The following UPRT variants were observed in gnomAD, a reference collection of about 807,000 sequenced individuals.
The protein encoded by UPRT is uracil phosphoribosyltransferase homolog, also known as RP11-311P8.3.
In UPRT, 5 loss-of-function variants were observed where a neutral mutation model predicts 22.6. The observed-to-expected ratio is 0.22, with a 90% CI of 0.12 to 0.47. UPRT has a LOEUF of 0.47. Ranked by LOEUF, UPRT falls within the 20% of genes least tolerant of loss-of-function variation. The pLI is 0.99. For missense variants in UPRT, 181 were observed against 239.9 expected, an observed-to-expected ratio of 0.75 and a Z score of 1.62; for synonymous variants, 77 against 87.7, an observed-to-expected ratio of 0.88 and a Z score of 0.68.
intron 4 of UPRT, among the ~76,000 whole-genome samples, chrX:75,170,721 T>C (rs1207535815): frequency 9.0e-6 from 1 of 111,569 alleles, no homozygotes; most frequent in Non-Finnish European, 1.9e-5. Flanking sequence ...TATTTCAAGG[T>C]TTTGTTTCAA....
intron 1 of UPRT, among the ~76,000 whole-genome samples, chrX:75,282,078 T>C (rs2082659704): frequency 9.0e-6 from 1 of 111,396 alleles, no homozygotes. Flanking sequence ...TAGCCTTGAA[T>C]GATCTTTTGT....
Position 75,303,425 on chromosome X carries a change from G to C in UPRT, c.844G>C (p.Glu282Gln). The C allele has an allele frequency of 8.3e-7, 1 of 1,205,865 alleles. No homozygotes were observed. The highest frequency in any genetic ancestry group is 1.1e-6 in the Non-Finnish European group (1 of 893,407). Residue 282 changes from glutamate (E) to glutamine (Q), a missense_variant, in exon 7 of 7, where the codon GAG becomes CAG. Transcript: ENST00000373383. ...TGAAGGTGCCAAATCAATCATTCAGGAGTTTCCAGAGATCACAATTTTAAC... is the reference window on the plus strand; with the variant it reads ...TGAAGGTGCCAAATCAATCATTCAGCAGTTTCCAGAGATCACAATTTTAAC... ...TPHGAKSIIQ[E>Q]FPEITILTTE... is the part of the protein sequence containing the mutation.
chrX:75,288,937 C>A (rs2082693992), intron 1 of UPRT, among the ~76,000 whole-genome samples: 1 of 111,646 alleles, frequency 9.0e-6, no homozygotes, highest in Admixed American at 9.5e-5. Context: ...ACATAGAAAA[C>A]CCTGTAGATT....
At chrX:75,284,079 A>G (rs927845214) in intron 1 of UPRT, among the ~76,000 whole-genome samples, 2 of 111,437 alleles carry the variant, frequency 1.8e-5, no homozygotes, top group African/African-American at 6.5e-5. Flanking sequence ...TACTTGTTCA[A>G]TTCGGTTGCT....
chrX:75,195,981 T>G (rs1010892109), intron 4 of UPRT, among the ~76,000 whole-genome samples: 23 of 111,961 alleles, frequency 2.1e-4, no homozygotes, highest in Non-Finnish European at 4.1e-4. Flanking sequence ...TTCAAGATTG[T>G]TTTGGCTATT....
intron 1 of UPRT, among the ~76,000 whole-genome samples, chrX:75,278,909 T>C (rs946805533): frequency 2.7e-5 from 3 of 111,863 alleles, no homozygotes; most frequent in Admixed American, 9.5e-5. Flanking sequence ...CTAATGTGAG[T>C]GCAATCTAAT....
chrX:75,272,757 A>G (rs996432879), upstream of UPRT, among the ~76,000 whole-genome samples: 3 of 110,990 alleles, frequency 2.7e-5, no homozygotes, highest in Admixed American at 1.9e-4. Flanking sequence ...TTATAAAAAA[A>G]TCTGTATAGG....
At chrX:75,205,418 A>T (rs2082362895) in intron 4 of UPRT, among the ~76,000 whole-genome samples, 1 of 105,129 alleles carries the variant, frequency 9.5e-6, no homozygotes, top group African/African-American at 3.4e-5. Context: ...AAAAAAGAGA[A>T]GATTTGAAAT....
intron 4 of UPRT, among the ~76,000 whole-genome samples, chrX:75,180,962 C>T (rs1337465485): frequency 9.1e-6 from 1 of 109,961 alleles, no homozygotes; most frequent in African/African-American, 3.3e-5. Flanking sequence ...ATGGTATTGC[C>T]TAGATTGTCT....
chrX:75,166,710 T>C (rs2082214152), intron 3 of UPRT, among the ~76,000 whole-genome samples: 1 of 112,375 alleles, frequency 8.9e-6, no homozygotes, highest in South Asian at 3.7e-4. Context: ...AAACAGAGCA[T>C]TAACAAATTC....
chrX:75,247,932 C>A (rs192053588), intron 4 of UPRT, among the ~76,000 whole-genome samples: 1 of 112,077 alleles, frequency 8.9e-6, no homozygotes, highest in African/African-American at 3.2e-5. Context: ...CGCTGTTCTG[C>A]AGCCATTGTT....
intron 1 of UPRT, among the ~76,000 whole-genome samples, chrX:75,291,151 T>TA (rs1569284321): frequency 9.0e-6 from 1 of 111,648 alleles, no homozygotes; most frequent in Admixed American, 9.5e-5. Context: ...TCTGCATCGC[T>TA]AAACCTGCTT....
chrX:75,205,262 C>T (rs1209473583), intron 4 of UPRT, among the ~76,000 whole-genome samples: 4 of 108,531 alleles, frequency 3.7e-5, no homozygotes, highest in African/African-American at 6.7e-5. Context: ...CCCGGCTACT[C>T]GGGAGGCTGA....
chrX:75,261,576 T>G (rs1206886472), intron 4 of UPRT, among the ~76,000 whole-genome samples: 1 of 111,883 alleles, frequency 8.9e-6, no homozygotes, highest in Non-Finnish European at 1.9e-5. Context: ...GATTCACAGC[T>G]GAATTTGACT....
intron 2 of UPRT, among the ~76,000 whole-genome samples, chrX:75,162,244 G>A (rs2082202369): frequency 1.8e-5 from 2 of 109,674 alleles, no homozygotes; most frequent in African/African-American, 6.7e-5. Flanking sequence ...GAGCCACCAC[G>A]CCCAGCAGGT....
intron 4 of UPRT, among the ~76,000 whole-genome samples, chrX:75,256,204 A>C: frequency 8.9e-6 from 1 of 112,276 alleles, no homozygotes; most frequent in East Asian, 2.8e-4. Context: ...TATCAACTCC[A>C]AAAGTAACCT....
At chrX:75,236,886 T>TG (rs1003606645) in intron 4 of UPRT, among the ~76,000 whole-genome samples, 6 of 112,152 alleles carry the variant, frequency 5.3e-5, no homozygotes, top group Non-Finnish European at 1.1e-4. Context: ...GACATAGGCA[T>TG]GGCAAGGACT....
chrX:75,250,610 A>G (rs2082525662), intron 4 of UPRT, among the ~76,000 whole-genome samples: 1 of 111,433 alleles, frequency 9.0e-6, no homozygotes, highest in Admixed American at 9.6e-5. Context: ...AGATGGATTC[A>G]CAGCCGAATT....
intron 1 of UPRT, among the ~76,000 whole-genome samples, chrX:75,288,488 T>C (rs777665639): frequency 8.9e-6 from 1 of 112,159 alleles, no homozygotes; most frequent in Admixed American, 9.5e-5. Context: ...TTTGCCATGA[T>C]CAAGTAGGTG....
Sources: gnomAD v4.1 joint callset for allele counts (sites outside exome capture counted in the v4.1 genomes callset) on GRCh38, gnomAD v4.1.1 for gene constraint, MANE v1.5 for transcripts, NCBI Gene and HGNC (gene_info 2026-07-23, HGNC 2026-07-21) for gene names.